The following GARIN2 variants were observed in gnomAD, a reference collection of about 807,000 sequenced individuals.
GARIN2 encodes the protein Golgi-associated RAB2 interactor protein 2.
the GARIN2 span, chr14:67,221,952 C>A: frequency 1.0e-6 from 1 of 1,003,176 alleles, no homozygotes; most frequent in Non-Finnish European, 1.4e-6. Flanking sequence ...ATGCTCCATT[C>A]TGAGAATCCT....
the GARIN2 span, among the ~76,000 whole-genome samples, chr14:67,228,044 C>T: frequency 6.6e-6 from 1 of 151,766 alleles, no homozygotes; most frequent in African/African-American, 2.4e-5. Flanking sequence ...GTGGTGGGCA[C>T]CTGTAATCCT....
At chr14:67,197,989 G>C in the GARIN2 span, 3 of 675,876 alleles carry the variant, frequency 4.4e-6, no homozygotes, top group Non-Finnish European at 7.3e-6. Flanking sequence ...GTCCTGTTTA[G>C]ATGTATGTAT....
At chr14:67,189,496 C>G in the GARIN2 span, 1 of 152,112 alleles carries the variant, frequency 6.6e-6, no homozygotes, top group African/African-American at 2.4e-5. Context: ...AGAGTGGAAA[C>G]GTGCTATTTG....
the GARIN2 span, chr14:67,203,416 C>G: frequency 1.3e-6 from 1 of 745,388 alleles, no homozygotes; most frequent in African/African-American, 1.8e-5. Context: ...CTCCCTGCTG[C>G]AAATGACAAA....
the GARIN2 span, chr14:67,224,078 C>A: frequency 1.2e-6 from 1 of 830,660 alleles, no homozygotes; most frequent in Non-Finnish European, 1.5e-6. Flanking sequence ...GGACCATGAT[C>A]TCAAATTCAT....
the GARIN2 span, among the ~76,000 whole-genome samples, chr14:67,195,139 G>T: frequency 0.014 from 2,099 of 152,286 alleles, 21 homozygotes; most frequent in African/African-American, 0.024. Flanking sequence ...TAATCCAAAA[G>T]TGTAAAAATA....
the GARIN2 span, chr14:67,199,059 G>A: frequency 7.5e-6 from 6 of 804,516 alleles, no homozygotes; most frequent in Non-Finnish European, 1.3e-5. Context: ...GAGCTCTTTT[G>A]CCATGGCTAC....
the GARIN2 span, among the ~76,000 whole-genome samples, chr14:67,223,129 A>T: frequency 9.2e-5 from 14 of 151,752 alleles, no homozygotes; most frequent in African/African-American, 3.4e-4. Context: ...CCTCCCAAGT[A>T]GCTGGGATTA....
the GARIN2 span, among the ~76,000 whole-genome samples, chr14:67,192,665 T>C: frequency 1.3e-5 from 2 of 151,794 alleles, no homozygotes; most frequent in African/African-American, 2.4e-5. Context: ...TTACAAGACA[T>C]TGTCATGTTC....
At chr14:67,221,779 G>C in the GARIN2 span, 1 of 1,613,244 alleles carries the variant, frequency 6.2e-7, no homozygotes, top group Non-Finnish European at 8.5e-7. Flanking sequence ...ATTTTTACAG[G>C]AGCTTGAGAA....
the GARIN2 span, chr14:67,205,125 C>G: frequency 2.6e-6 from 4 of 1,513,994 alleles, no homozygotes; most frequent in African/African-American, 5.6e-5. Context: ...CTTTAATAAT[C>G]GAGAACTAGA....
chr14:67,201,191 G>A, the GARIN2 span, among the ~76,000 whole-genome samples: 3 of 152,176 alleles, frequency 2.0e-5, no homozygotes, highest in African/African-American at 7.2e-5. Flanking sequence ...CTACTCGGAA[G>A]GCTGAGGAGG....
the GARIN2 span, among the ~76,000 whole-genome samples, chr14:67,219,636 C>T: frequency 6.6e-6 from 1 of 152,130 alleles, no homozygotes; most frequent in Non-Finnish European, 1.5e-5. Flanking sequence ...TTTCATTAGT[C>T]TCACTATTAT....
the GARIN2 span, chr14:67,221,669 T>A: frequency 1.3e-6 from 2 of 1,512,814 alleles, no homozygotes; most frequent in Non-Finnish European, 1.8e-6. Context: ...GTTTCATTAC[T>A]ACCCACAGAG....
chr14:67,225,091 C>T, the GARIN2 span: 5 of 1,538,160 alleles, frequency 3.3e-6, no homozygotes, highest in Non-Finnish European at 4.4e-6. Context: ...CTTTACTTTC[C>T]TTATTCTTTT....
At chr14:67,194,948 G>A in the GARIN2 span, among the ~76,000 whole-genome samples, 5 of 152,118 alleles carry the variant, frequency 3.3e-5, no homozygotes, top group South Asian at 2.1e-4. Context: ...GTGAGCCACC[G>A]TGCCCCTCTC....
chr14:67,221,761 T>C, the GARIN2 span: 2 of 1,612,868 alleles, frequency 1.2e-6, no homozygotes, highest in Non-Finnish European at 1.7e-6. Flanking sequence ...TTTTGAGATG[T>C]GCTATTTATT....
the GARIN2 span, chr14:67,198,400 G>A: frequency 1.5e-6 from 2 of 1,372,136 alleles, no homozygotes. Flanking sequence ...GATGGTAGGA[G>A]AATTGTTTTA....
chr14:67,207,668 A>G, the GARIN2 span, among the ~76,000 whole-genome samples: 1 of 152,330 alleles, frequency 6.6e-6, no homozygotes, highest in Middle Eastern at 3.4e-3. Context: ...AGTGATTCTG[A>G]GCGAATCAGA....
Sources: allele counts gnomAD v4.1 joint callset (sites outside exome capture counted in the v4.1 genomes callset), GRCh38; gene constraint gnomAD v4.1.1; transcripts MANE v1.5; gene names NCBI Gene and HGNC (gene_info 2026-07-23, HGNC 2026-07-21).